EHBP1: variants seen among roughly 807,000 people sequenced by gnomAD.
EHBP1 encodes EH domain-binding protein 1.
In EHBP1, 55 loss-of-function variants were observed where a neutral mutation model predicts 144.0. The ratio of observed to expected loss-of-function variants is 0.38; its 90% CI spans 0.31 to 0.48. The LOEUF (loss-of-function observed/expected upper bound fraction) is 0.48, where lower values mean the gene tolerates loss of function less well. EHBP1 is among the 20% of genes least tolerant of loss of function. The pLI, the probability that EHBP1 is intolerant of heterozygous loss-of-function variation, is 0.98. For synonymous variants in EHBP1, 469 were observed against 472.7 expected (o/e 0.99, Z 0.10); for missense variants, 1,200 against 1,364.2 (o/e 0.88, Z 1.90).
rs57039974 is a variant in EHBP1, at chr2:62,820,737, AATATATATATATATATATATATATAT to A, written c.313-5331_313-5306del. Among the ~76,000 whole-genome samples, 133 of 54,644 alleles carry A rather than the reference AATATATATATATATATATATATATAT, an allele frequency of 2.4e-3. 1 individual carries two copies. Among genetic ancestry groups the A allele is most frequent in the African/African-American group, 7.9e-3 (105 of 13,374 alleles). 35.8% of individuals were successfully genotyped at this position (54,644 alleles called of 152,430 possible). On this transcript the variant is annotated intron_variant, in intron 5 of 22. Coordinates refer to ENST00000431489, the MANE Select transcript of EHBP1 (RefSeq NM_001142616.3). ...TGTGTGTGTGTGTGTGTGTGTGTAT[AATATATATATATATATATATATATAT>A]ATATATATATATATATATGCACATC...
intron 9 of EHBP1, 51 bp downstream of exon 9, chr2:62,865,022 A>G: frequency 6.3e-7 from 1 of 1,582,302 alleles, no homozygotes; most frequent in Non-Finnish European, 8.6e-7. Flanking sequence ...TATGTTACCT[A>G]AAGAGATCCT....
At chr2:62,863,837 GTTGTT>G (rs1233845600) in intron 8 of EHBP1, among the ~76,000 whole-genome samples, 2 of 74,576 alleles carry the variant, frequency 2.7e-5, no homozygotes, top group Non-Finnish European at 5.1e-5. Flanking sequence ...ATTTTTCTGT[GTTGTT>G]TTTTTTTTTT....
chr2:62,841,647 A>T (rs912115127), intron 7 of EHBP1, among the ~76,000 whole-genome samples: 18 of 152,146 alleles, frequency 1.2e-4, no homozygotes, highest in African/African-American at 3.9e-4. Flanking sequence ...TCAATAGTAT[A>T]TACTGACATT....
intron 19 of EHBP1, 64 bp from the exon 20 acceptor site, chr2:63,037,471 G>T: frequency 9.6e-7 from 1 of 1,047,018 alleles, no homozygotes; most frequent in Non-Finnish European, 1.4e-6. Flanking sequence ...AAAATTATGT[G>T]CTAAACTACT....
chr2:62,693,719 T>G (rs187728682), intron 1 of EHBP1, among the ~76,000 whole-genome samples: 2 of 152,324 alleles, frequency 1.3e-5, no homozygotes, highest in East Asian at 3.9e-4. Context: ...TAGAACATAT[T>G]CCTTCTAGTG....
intron 21 of EHBP1, among the ~76,000 whole-genome samples, chr2:63,041,262 T>G (rs2061649286): frequency 1.3e-5 from 2 of 152,320 alleles, no homozygotes; most frequent in African/African-American, 4.8e-5. Context: ...AGGAGTTTCA[T>G]TCTACTGAAC....
At chr2:62,858,694 G>C (rs1388537770) in intron 7 of EHBP1, among the ~76,000 whole-genome samples, 1 of 152,128 alleles carries the variant, frequency 6.6e-6, no homozygotes, top group East Asian at 1.9e-4. Context: ...CTTTAGCAAA[G>C]TCATGTCAGG....
chr2:62,874,521 A>G lies in EHBP1; in HGVS notation c.1174A>G (p.Thr392Ala). 2 of 1,599,080 alleles carry G rather than the reference A, an allele frequency of 1.3e-6. No homozygotes were observed. The highest frequency in any genetic ancestry group is 2.3e-5 in the South Asian group (2 of 87,662). ...NTVSAGKDLSTSPKPSPIPSP... is the reference protein window; with the variant it reads ...NTVSAGKDLSASPKPSPIPSP... ...AGTTTCTGCAGGAAAAGATCTCTCT[A>G]CTTCTCCTAAGGTAGGATTTTATTC... The change falls in exon 10 of 23, where the codon ACT becomes GCT. Residue 392 changes from threonine to alanine, a missense_variant. By Grantham distance (58) the Thr-to-Ala change is moderately conservative. Transcript: ENST00000431489.
chr2:62,886,852 T>A (rs1394041297), intron 10 of EHBP1, among the ~76,000 whole-genome samples: 2 of 152,206 alleles, frequency 1.3e-5, no homozygotes, highest in South Asian at 2.1e-4. Context: ...ACTACCTTTT[T>A]AAAATATATA....
chr2:62,751,638 A>C (rs1278289413), intron 3 of EHBP1, among the ~76,000 whole-genome samples: 1 of 152,118 alleles, frequency 6.6e-6, no homozygotes, highest in African/African-American at 2.4e-5. Flanking sequence ...TTGGTAAGCT[A>C]TTAATTATTG....
chr2:63,045,639 A>G lies in EHBP1; in HGVS notation c.*139A>G, dbSNP rs2061926328. ...ACTACTTTACCTCTACTTTACCACC[A>G]CCACCCTTTTCCTCCCTCCTTTCCA... On this transcript the variant is annotated 3_prime_UTR_variant, in exon 23 of 23. Coordinates refer to ENST00000431489, the MANE Select transcript of EHBP1 (RefSeq NM_001142616.3). The surrounding 1 kb of genome is among the most constrained non-coding windows in gnomAD (Gnocchi z 5.7). 5 of 654,940 alleles carry G rather than the reference A, an allele frequency of 7.6e-6. No homozygotes were observed. The highest frequency in any genetic ancestry group is 1.3e-5 in the Non-Finnish European group (5 of 381,242). 40.6% of individuals were successfully genotyped at this position (654,940 alleles called of 1,614,324 possible). A position where few individuals can be genotyped will look rare whatever the true frequency, so the allele number is the denominator to read the frequency against.
intron 5 of EHBP1, among the ~76,000 whole-genome samples, chr2:62,817,862 C>T (rs1210528790): frequency 6.6e-6 from 1 of 152,080 alleles, no homozygotes; most frequent in Non-Finnish European, 1.5e-5. Flanking sequence ...AACTCTTTCA[C>T]TTATTTGTTC....
At chr2:62,733,088 G>A (rs1373144707) in intron 2 of EHBP1, among the ~76,000 whole-genome samples, 1 of 152,094 alleles carries the variant, frequency 6.6e-6, no homozygotes, top group Non-Finnish European at 1.5e-5. Flanking sequence ...TCTCTGCTCT[G>A]AGTTTGATTA....
At chr2:62,940,795 G>T (rs2056710896) in intron 10 of EHBP1, among the ~76,000 whole-genome samples, 1 of 151,904 alleles carries the variant, frequency 6.6e-6, no homozygotes, top group South Asian at 2.1e-4. Context: ...TTAATACAAG[G>T]CTTTTATATT....
At chr2:62,890,378 A>G (rs1461437587) in intron 10 of EHBP1, among the ~76,000 whole-genome samples, 1 of 152,174 alleles carries the variant, frequency 6.6e-6, no homozygotes, top group Non-Finnish European at 1.5e-5. Context: ...TGAGCATGGA[A>G]TGTTTTTCCA....
intron 14 of EHBP1, among the ~76,000 whole-genome samples, chr2:62,966,747 T>G (rs2058265273): frequency 6.6e-6 from 1 of 152,138 alleles, no homozygotes; most frequent in South Asian, 2.1e-4. Flanking sequence ...AAGGATACAA[T>G]CTCCTAATTA....
intron 7 of EHBP1, among the ~76,000 whole-genome samples, chr2:62,849,777 C>G (rs1225021445): frequency 1.3e-5 from 2 of 152,176 alleles, no homozygotes; most frequent in Non-Finnish European, 2.9e-5. Flanking sequence ...AAATACAAGA[C>G]GAACATGACA....
In EHBP1 at chr2:62,882,852, A is replaced by T. The variant is rs561909072; in HGVS notation, c.1185+8320A>T. ...AGCCGAGATGGCGCCATTGCACTCC[A>T]GCCTGGGCAACAAGAGTGAAACTCC... On this transcript the variant is annotated intron_variant, in intron 10 of 22. Transcript: ENST00000431489. 7.9e-4 allele frequency among the ~76,000 whole-genome samples: 119 copies of T among 150,716 alleles called. 1 individual carries two copies. The highest frequency in any genetic ancestry group is 2.8e-3 in the African/African-American group (113 of 40,878).
At chr2:62,835,640 G>A (rs868449359) in intron 7 of EHBP1, among the ~76,000 whole-genome samples, 5 of 152,240 alleles carry the variant, frequency 3.3e-5, no homozygotes, top group Admixed American at 2.0e-4. Context: ...TGCGCGCACC[G>A]TGCGCGAGCC....
Sources: gnomAD v4.1 joint callset for allele counts (sites outside exome capture counted in the v4.1 genomes callset) on GRCh38, gnomAD v4.1.1 for gene constraint, Gnocchi (gnomAD v3.1) non-coding constraint, MANE v1.5 for transcripts, NCBI Gene and HGNC (gene_info 2026-07-23, HGNC 2026-07-21) for gene names.